ZNF763: variants seen among roughly 807,000 people sequenced by gnomAD.
ZNF763 encodes DNA-binding protein.
Under a neutral mutation model 38.0 loss-of-function variants are expected in ZNF763, and 33 were observed. That is an observed-to-expected ratio of 0.87 (90% CI 0.66 to 1.16). The LOEUF is 1.16. Among genes scored for constraint, ZNF763 ranks in the 50% most tolerant of loss-of-function variants. ZNF763 has a pLI of 0.00. For missense variants in ZNF763, 423 were observed against 469.1 expected (o/e 0.90, Z 0.91); for synonymous variants, 155 against 160.1 (o/e 0.97, Z 0.24).
Position 11,980,128 on chromosome 19 carries a change from TCA to T in ZNF763, c.*1023_*1024del. ...CACACCTTCGAAAACATGGTAGGAC[TCA>T]CACTGGATAGAAACCAAAGCAGGTG... is the stretch of plus-strand genomic sequence containing the variant. On this transcript the variant is annotated 3_prime_UTR_variant, in exon 4 of 4. Transcript: ENST00000358987. The T allele has an allele frequency of 1.2e-6, 1 of 828,260 alleles. No homozygotes were observed. Among genetic ancestry groups the T allele is most frequent in the Non-Finnish European group, 1.9e-6 (1 of 525,092 alleles). The allele number at this position is 828,260 out of a possible 1,614,324, so 51.3% of individuals were successfully genotyped here. A position where few individuals can be genotyped will look rare whatever the true frequency, so the allele number is the denominator to read the frequency against.
rs1173063217 is a variant in ZNF763, at chr19:11,978,790, G to A, written c.866G>A (p.Cys289Tyr). The change falls in exon 4 of 4, where the codon TGT becomes TAT. Residue 289 changes from cysteine to tyrosine, a missense_variant. Cys to Tyr is a radical substitution (Grantham distance 194). Transcript: ENST00000358987. ...TGGKPYECKQ[C>Y]GKSFSWCHSF... ...GGAAAGCCATATGAATGTAAACAAT[G>A]TGGCAAATCCTTCAGTTGGTGTCAT... The A allele has an allele frequency of 6.2e-7, 1 of 1,614,144 alleles. No homozygotes were observed. The highest frequency in any genetic ancestry group is 1.7e-5 in the Admixed American group (1 of 60,012).
At chr19:11,965,846 G>A (rs1245907772) in intron 1 of ZNF763, among the ~76,000 whole-genome samples, 1 of 152,160 alleles carries the variant, frequency 6.6e-6, no homozygotes, top group East Asian at 1.9e-4. Flanking sequence ...AGAGAGACAG[G>A]AATTGCAGGG....
At chr19:11,971,231 G>T (rs1242962542) in intron 1 of ZNF763, among the ~76,000 whole-genome samples, 4 of 152,194 alleles carry the variant, frequency 2.6e-5, no homozygotes, top group African/African-American at 7.2e-5. Flanking sequence ...CCGCTTCCTG[G>T]TTTGCAGATG....
intron 1 of ZNF763, among the ~76,000 whole-genome samples, chr19:11,976,033 G>A (rs1422696391): frequency 2.0e-5 from 3 of 147,302 alleles, no homozygotes; most frequent in African/African-American, 5.1e-5. Context: ...TTCTACTTAG[G>A]TGTCTCCCCT....
chr19:11,974,143 TTTCTTTCTTTCTTTCC>T (rs1416549876), intron 1 of ZNF763, among the ~76,000 whole-genome samples: 1,697 of 128,718 alleles, frequency 0.013, 61 homozygotes, highest in African/African-American at 0.052. Context: ...TCTTTCTTTC[TTTCTTTCTTTCTTTCC>T]TTCCTTCCTT....
chr19:11,976,864 A>G, intron 1 of ZNF763, 174 bp from the exon 2 acceptor site: 1 of 1,455,638 alleles, frequency 6.9e-7, no homozygotes, highest in Middle Eastern at 2.6e-4. Context: ...TCCATCTCAA[A>G]ACAACAACAA....
At chr19:11,974,099 TTCTTTCTTTCTTTCTTTC>T in intron 1 of ZNF763, among the ~76,000 whole-genome samples, 3 of 96,028 alleles carry the variant, frequency 3.1e-5, no homozygotes, top group Non-Finnish European at 6.3e-5. Context: ...CTTTCTTTCT[TTCTTTCTTTCTTTCTTTC>T]TTTCTTTCTT....
At chr19:11,973,295 G>A (rs930384104) in intron 1 of ZNF763, among the ~76,000 whole-genome samples, 10 of 152,170 alleles carry the variant, frequency 6.6e-5, no homozygotes, top group Admixed American at 6.6e-4. Context: ...GAATGATGCT[G>A]TAAGTGGCCA....
rs10426450 is a variant in ZNF763, at chr19:11,975,546, C to T, written c.4-1492C>T. On this transcript the variant is annotated intron_variant, in intron 1 of 3. Transcript: ENST00000358987. ...CCGAGTAGCTGAGACTACAGGCGCC[C>T]GCCACCGCGTCCAGCCAATTTTTCG... Among the ~76,000 whole-genome samples the T allele has an allele frequency of 2.4e-3, 371 of 152,136 alleles. 2 individuals carry two copies. The highest frequency in any genetic ancestry group is 8.5e-3 in the African/African-American group (353 of 41,518).
Position 11,978,837 on chromosome 19 carries a change from A to G in ZNF763, c.913A>G (p.Thr305Ala). Residue 305 changes from threonine to alanine, a missense_variant, in exon 4 of 4, where the codon ACT becomes GCT. Transcript: ENST00000358987. ...TCATTCCTTTCAAATACATGAAAGA[A>G]CTCACACTGGGGAGAAGCCCTGTGA... is the stretch of plus-strand genomic sequence containing the variant. ...WCHSFQIHER[T>A]HTGEKPCECS... The G allele has an allele frequency of 6.2e-7, 1 of 1,614,218 alleles. No individual in the cohort carries two copies. Among genetic ancestry groups the G allele is most frequent in the Non-Finnish European group, 8.5e-7 (1 of 1,180,032 alleles).
At position 11,979,794 on chromosome 19, in the gene ZNF763, A is replaced by G. The variant is rs942957717; in HGVS notation, c.*685A>G. ...AGAACTCACACTGGAGAGAAACCCT[A>G]TGAGTGTAAGGAATGTGGGAAAGCC... is the stretch of plus-strand genomic sequence containing the variant. On this transcript the variant is annotated 3_prime_UTR_variant, in exon 4 of 4. Coordinates refer to ENST00000358987, the MANE Select transcript of ZNF763 (RefSeq NM_001367172.2). The G allele has an allele frequency of 5.6e-5, 88 of 1,576,232 alleles. No homozygotes were observed. The highest frequency in any genetic ancestry group is 6.7e-5 in the Non-Finnish European group (77 of 1,148,258).
Position 11,978,519 on chromosome 19 carries a change from C to T in ZNF763, c.595C>T (p.Pro199Ser), listed in dbSNP as rs1426436670. 4 of 1,614,202 alleles carry T rather than the reference C, an allele frequency of 2.5e-6. No homozygotes were observed. The highest frequency in any genetic ancestry group is 2.2e-5 in the South Asian group (2 of 91,080). ...RRMVMHSGDGPYKCKFCGKAV... is the reference protein window; with the variant it reads ...RRMVMHSGDGSYKCKFCGKAV... ...CATGGTAATGCACAGTGGGGATGGACCTTATAAATGTAAGTTTTGTGGGAA... is the reference window on the plus strand; with the variant it reads ...CATGGTAATGCACAGTGGGGATGGATCTTATAAATGTAAGTTTTGTGGGAA... The change falls in exon 4 of 4, where the codon CCT becomes TCT. Residue 199 changes from proline to serine, a missense_variant. Physicochemically the swap from Pro to Ser is moderately conservative, Grantham distance 74. Coordinates refer to ENST00000358987, the MANE Select transcript of ZNF763 (RefSeq NM_001367172.2).
intron 1 of ZNF763, among the ~76,000 whole-genome samples, chr19:11,967,722 AAAG>A (rs1234608387): frequency 1.3e-5 from 2 of 152,282 alleles, no homozygotes; most frequent in East Asian, 3.9e-4. Flanking sequence ...ATTTTTAAAA[AAAG>A]AAAAAAGAAA....
At chr19:11,968,338 A>C (rs148366340) in intron 1 of ZNF763, among the ~76,000 whole-genome samples, 150 of 151,750 alleles carry the variant, frequency 9.9e-4, no homozygotes, top group Middle Eastern at 3.4e-3. Context: ...TGCAGCCTTG[A>C]CCTCCCCAGC....
At chr19:11,971,203 C>G (rs1973344448) in intron 1 of ZNF763, among the ~76,000 whole-genome samples, 1 of 152,148 alleles carries the variant, frequency 6.6e-6, no homozygotes, top group South Asian at 2.1e-4. Flanking sequence ...GTTGGCAGAT[C>G]TAGTGTCTGG....
intron 1 of ZNF763, among the ~76,000 whole-genome samples, chr19:11,966,134 T>G (rs914043019): frequency 2.6e-5 from 4 of 152,188 alleles, no homozygotes; most frequent in African/African-American, 9.7e-5. Flanking sequence ...TGCGTGGCCT[T>G]AGGTCTTGTT....
chr19:11,971,546 A>T (rs1031772064), intron 1 of ZNF763, among the ~76,000 whole-genome samples: 4 of 152,140 alleles, frequency 2.6e-5, no homozygotes, highest in African/African-American at 7.2e-5. Flanking sequence ...TCTTAATTTT[A>T]GTGAAAAAAA....
At position 11,968,314 on chromosome 19, in the gene ZNF763, C is replaced by T. The variant is rs569185144; in HGVS notation, c.3+3103C>T. On this transcript the variant is annotated intron_variant, in intron 1 of 3. Coordinates refer to ENST00000358987, the MANE Select transcript of ZNF763 (RefSeq NM_001367172.2). ...TGTGGCCCAGGCTGGAGCAGTGGTG[C>T]GATCATGGCTTACTGCAGCCTTGAC... Among the ~76,000 whole-genome samples, 11 of 152,052 alleles carry T rather than the reference C, an allele frequency of 7.2e-5. No homozygotes were observed. The South Asian group carries it at 1.9e-3, about 26-fold the overall frequency.
At chr19:11,972,336 A>G (rs1973370246) in intron 1 of ZNF763, among the ~76,000 whole-genome samples, 1 of 152,202 alleles carries the variant, frequency 6.6e-6, no homozygotes, top group Admixed American at 6.5e-5. Flanking sequence ...ATGAGTTTCA[A>G]TAGAGTATGT....
Sources: gnomAD v4.1 joint callset for allele counts (sites outside exome capture counted in the v4.1 genomes callset) on GRCh38, gnomAD v4.1.1 for gene constraint, MANE v1.5 for transcripts, NCBI Gene and HGNC (gene_info 2026-07-23, HGNC 2026-07-21) for gene names.